The following CHAT variants were observed in gnomAD, a reference collection of about 807,000 sequenced individuals.
The protein encoded by CHAT is choline O-acetyltransferase.
In CHAT, 61 loss-of-function variants were observed where a neutral mutation model predicts 76.9. That is an observed-to-expected ratio of 0.79 (90% confidence interval 0.65 to 0.98). The LOEUF (loss-of-function observed/expected upper bound fraction) is 0.98, where lower values mean the gene tolerates loss of function less well. Among genes scored for constraint, CHAT ranks in the 50% least tolerant of loss-of-function variants. The probability of loss-of-function intolerance (pLI) is 0.00; values close to 1 mark genes in which losing one functional copy is unlikely to be tolerated. For synonymous variants in CHAT, 407 were observed against 397.4 expected (o/e 1.02, Z -0.29); for missense variants, 946 against 986.9 (o/e 0.96, Z 0.56).
In CHAT at chr10:49,614,332, T is replaced by G; in HGVS notation, c.143T>G (p.Val48Gly). 6.5e-7 allele frequency: 1 copy of G among 1,547,294 alleles called. No individual in the cohort carries two copies. The highest frequency in any genetic ancestry group is 2.4e-5 in the East Asian group (1 of 40,866). ...QSGGRGDPGD[V>G]GGPAGNPGCS... Reference sequence around the variant, plus strand: ...GGTGGCCGCGGGGACCCGGGCGACGTCGGAGGCCCTGCCGGGAACCCAGGC... The same window carrying G: ...GGTGGCCGCGGGGACCCGGGCGACGGCGGAGGCCCTGCCGGGAACCCAGGC... Residue 48 changes from valine to glycine, a missense_variant, in exon 1 of 15, where the codon GTC (valine) becomes GGC (glycine). By Grantham distance (109) the Val-to-Gly change is moderately radical. Coordinates refer to ENST00000337653, the MANE Select transcript of CHAT (RefSeq NM_020549.5).
At chr10:49,626,788 C>T (rs1162789841) in intron 6 of CHAT, among the ~76,000 whole-genome samples, 1 of 152,224 alleles carries the variant, frequency 6.6e-6, no homozygotes, top group Non-Finnish European at 1.5e-5. Flanking sequence ...TGTATCTTGA[C>T]CTGGGTCTAG....
At position 49,648,625 on chromosome 10, in the gene CHAT, G is replaced by C. The variant is rs762879333; in HGVS notation, c.1382+18G>C. 6.3e-7 allele frequency: 1 copy of C among 1,577,118 alleles called. No individual in the cohort carries two copies. Among genetic ancestry groups the C allele is most frequent in the African/African-American group, 1.3e-5 (1 of 74,192 alleles). On this transcript the variant is annotated intron_variant, in intron 9 of 14. Transcript: ENST00000337653. ...AAGCACGTGTGAGTCTGGATCCCAG[G>C]GCTGCCATGCTGGGCCCAAAAAAAT...
chr10:49,609,538 G>A (rs1838234025), upstream of CHAT, among the ~76,000 whole-genome samples: 1 of 152,142 alleles, frequency 6.6e-6, no homozygotes, highest in South Asian at 2.1e-4. Context: ...CAGGCAAGGG[G>A]AATGTGGCCA....
intron 2 of CHAT, among the ~76,000 whole-genome samples, chr10:49,618,832 T>A (rs1319179793): frequency 6.6e-6 from 1 of 152,216 alleles, no homozygotes; most frequent in East Asian, 1.9e-4. Context: ...AAGTATAAGA[T>A]AGCGAGGTCA....
At position 49,629,835 on chromosome 10, in the gene CHAT, C is replaced by T. The variant is rs1361755049; in HGVS notation, c.1111+2050C>T. 2.0e-5 allele frequency among the ~76,000 whole-genome samples: 3 copies of T among 152,220 alleles called. No individual in the cohort carries two copies. In the South Asian group the frequency reaches 6.2e-4, roughly 32 times the overall value. On this transcript the variant is annotated intron_variant, in intron 7 of 14. Transcript: ENST00000337653. ...CAGATCCCCCCTCCCCAGAGCAGCC[C>T]TGCCTATGGAACAGAAACAGAGAGA...
intron 10 of CHAT, among the ~76,000 whole-genome samples, chr10:49,650,674 A>G (rs1183388631): frequency 2.0e-5 from 3 of 152,010 alleles, no homozygotes; most frequent in Non-Finnish European, 4.4e-5. Flanking sequence ...CTGCCACTGG[A>G]GGGTTCTGTG....
intron 7 of CHAT, 134 bp downstream of exon 7, chr10:49,627,919 T>A: frequency 2.8e-6 from 3 of 1,056,172 alleles, no homozygotes; most frequent in Non-Finnish European, 4.2e-6. Context: ...CAGCATGCCC[T>A]GCGGCCAGCC....
At chr10:49,652,271 A>T (rs1839904730) in intron 11 of CHAT, among the ~76,000 whole-genome samples, 1 of 151,206 alleles carries the variant, frequency 6.6e-6, no homozygotes, top group Non-Finnish European at 1.5e-5. Flanking sequence ...AGAGCTGAGA[A>T]GAGCCAGGAG....
intron 4 of CHAT, 31 bp from the exon 5 acceptor site, chr10:49,622,066 G>A (rs1305757368): frequency 1.1e-6 from 1 of 951,934 alleles, no homozygotes; most frequent in East Asian, 6.6e-5. Flanking sequence ...GGCCCTGGGA[G>A]GAAGGGCTCA....
intron 2 of CHAT, among the ~76,000 whole-genome samples, chr10:49,618,269 A>T (rs1838572387): frequency 6.6e-6 from 1 of 152,236 alleles, no homozygotes; most frequent in Non-Finnish European, 1.5e-5. Context: ...TTATAAATTA[A>T]GACTGACCAG....
chr10:49,620,445 G>C (rs368636813), intron 3 of CHAT, 50 bp from the exon 4 acceptor site: 14 of 1,241,798 alleles, frequency 1.1e-5, no homozygotes, highest in Non-Finnish European at 1.7e-5. Context: ...GGGCTGTCAG[G>C]ATGGGACTGT....
At chr10:49,609,877 C>T (rs1476661531), upstream of CHAT, among the ~76,000 whole-genome samples, 1 of 151,886 alleles carries the variant, frequency 6.6e-6, no homozygotes, top group Non-Finnish European at 1.5e-5. Flanking sequence ...TTCCTGCTCG[C>T]TGTGCGCCGA....
rs994064201 is a variant in CHAT, at chr10:49,651,691, T to C, written c.1512-193T>C. Reference sequence around the variant, plus strand: ...ACCTTGGGTCATAGTAGTCCTGGCCTGGTTTGTCTTCTGACACTTTCATAG... The same window carrying C: ...ACCTTGGGTCATAGTAGTCCTGGCCCGGTTTGTCTTCTGACACTTTCATAG... On this transcript the variant is annotated intron_variant, in intron 10 of 14. Coordinates refer to ENST00000337653, the MANE Select transcript of CHAT (RefSeq NM_020549.5). 16 of 588,884 alleles carry C rather than the reference T, an allele frequency of 2.7e-5. 1 individual carries two copies. The highest frequency in any genetic ancestry group is 8.7e-4 in the Middle Eastern group (2 of 2,286). The allele number at this position is 588,884 out of a possible 1,614,324, so 36.5% of individuals were successfully genotyped here. A position where few individuals can be genotyped will look rare whatever the true frequency, so the allele number is the denominator to read the frequency against.
chr10:49,649,221 C>T (rs1839784215), intron 9 of CHAT, among the ~76,000 whole-genome samples: 1 of 152,208 alleles, frequency 6.6e-6, no homozygotes, highest in South Asian at 2.1e-4. Context: ...CTCTCCAAGT[C>T]TTCTGTAAGG....
At chr10:49,622,040 G>GCAGGGCGGGAAGA (rs1564473582) in intron 4 of CHAT, 57 bp from the exon 5 acceptor site, 1 of 1,543,900 alleles carries the variant, frequency 6.5e-7, no homozygotes, top group Non-Finnish European at 8.9e-7. Flanking sequence ...AAGGGAGGGA[G>GCAGGGCGGGAAGA]GGAGGGAGGA....
Position 49,644,395 on chromosome 10 carries a change from G to A in CHAT, c.1112-2110G>A, listed in dbSNP as rs759199880. 4.2e-4 allele frequency among the ~76,000 whole-genome samples: 64 copies of A among 152,310 alleles called. 1 individual carries two copies. The highest frequency in any genetic ancestry group is 9.0e-4 in the Non-Finnish European group (61 of 68,018). On this transcript the variant is annotated intron_variant, in intron 7 of 14. Coordinates refer to ENST00000337653, the MANE Select transcript of CHAT (RefSeq NM_020549.5). ...GTTTCAAGTTCTAAGAGGGTAATGT[G>A]GTGACTGCACCTCCTTAAGGAGCTT...
intron 13 of CHAT, 111 bp downstream of exon 13, chr10:49,655,559 C>T (rs984566555): frequency 4.5e-5 from 46 of 1,028,444 alleles, no homozygotes; most frequent in East Asian, 3.8e-4. Flanking sequence ...ACCTGTTACT[C>T]GGGGACTTGG....
At chr10:49,641,148 T>G (rs1238980791) in intron 7 of CHAT, among the ~76,000 whole-genome samples, 1 of 152,244 alleles carries the variant, frequency 6.6e-6, no homozygotes. Context: ...CTCCTCTTCT[T>G]ATGAGGACAC....
chr10:49,626,416 C>T (rs1838923998), intron 6 of CHAT, among the ~76,000 whole-genome samples: 1 of 152,170 alleles, frequency 6.6e-6, no homozygotes, highest in African/African-American at 2.4e-5. Context: ...CCAAGTTTGG[C>T]AACCATCCCA....
Sources: gnomAD v4.1 joint callset for allele counts (sites outside exome capture counted in the v4.1 genomes callset) on GRCh38, gnomAD v4.1.1 for gene constraint, MANE v1.5 for transcripts, NCBI Gene and HGNC (gene_info 2026-07-23, HGNC 2026-07-21) for gene names.